Variants in GHR observed in about 807,000 individuals in gnomAD.
The protein encoded by GHR is GH receptor.
Under a neutral mutation model 67.1 loss-of-function variants are expected in GHR, and 35 were observed. The ratio of observed to expected loss-of-function variants is 0.52; its 90% confidence interval spans 0.40 to 0.69. GHR has a LOEUF of 0.69. GHR is among the 30% of genes least tolerant of loss of function. The pLI, the probability that GHR is intolerant of heterozygous loss-of-function variation, is 0.00. For synonymous variants in GHR, 272 were observed against 269.1 expected (o/e 1.01, Z -0.10); for missense variants, 792 against 764.6 (o/e 1.04, Z -0.42).
intron 1 of GHR, among the ~76,000 whole-genome samples, chr5:42,470,248 A>T (rs571560616): frequency 5.4e-5 from 8 of 147,950 alleles, no homozygotes; most frequent in Non-Finnish European, 1.0e-4. Context: ...ATAATGTATT[A>T]CATGTATTAA....
intron 2 of GHR, among the ~76,000 whole-genome samples, chr5:42,588,593 G>C (rs1751617428): frequency 1.4e-5 from 2 of 145,934 alleles, no homozygotes; most frequent in African/African-American, 5.0e-5. Flanking sequence ...TTCAAACTCA[G>C]GCTTTATATT....
At chr5:42,655,421 G>A (rs1474463410) in intron 3 of GHR, among the ~76,000 whole-genome samples, 1 of 152,088 alleles carries the variant, frequency 6.6e-6, no homozygotes, top group Non-Finnish European at 1.5e-5. Flanking sequence ...AAGTAGAATG[G>A]AACAGAAAGT....
intron 2 of GHR, among the ~76,000 whole-genome samples, chr5:42,602,013 C>A (rs553442251): frequency 2.0e-5 from 3 of 152,048 alleles, no homozygotes; most frequent in African/African-American, 7.2e-5. Flanking sequence ...TTTCTTTTTT[C>A]TATAATAATT....
At chr5:42,560,711 C>G (rs1249044592) in intron 1 of GHR, among the ~76,000 whole-genome samples, 1 of 152,124 alleles carries the variant, frequency 6.6e-6, no homozygotes, top group Non-Finnish European at 1.5e-5. Flanking sequence ...CCTTAAAACA[C>G]CAAGTATCCA....
At chr5:42,442,163 G>A (rs1035523790) in intron 1 of GHR, among the ~76,000 whole-genome samples, 3 of 152,110 alleles carry the variant, frequency 2.0e-5, no homozygotes, top group Non-Finnish European at 4.4e-5. Context: ...GAGAGAAAGG[G>A]GCTGGCATAC....
intron 5 of GHR, among the ~76,000 whole-genome samples, chr5:42,699,172 T>C (rs1757811590): frequency 6.6e-6 from 1 of 152,028 alleles, no homozygotes; most frequent in African/African-American, 2.4e-5. Flanking sequence ...ATTAGCAGAG[T>C]GTGCAGGAAG....
intron 1 of GHR, among the ~76,000 whole-genome samples, chr5:42,534,927 T>C (rs1461688261): frequency 6.6e-6 from 1 of 152,102 alleles, no homozygotes; most frequent in Non-Finnish European, 1.5e-5. Context: ...ATATTGAGCA[T>C]TTTTTCACAT....
At chr5:42,575,433 G>T (rs184177041) in intron 2 of GHR, among the ~76,000 whole-genome samples, 1 of 152,098 alleles carries the variant, frequency 6.6e-6, no homozygotes, top group Non-Finnish European at 1.5e-5. Context: ...GGGAGAAAGC[G>T]ATAGGAGAGT....
intron 6 of GHR, among the ~76,000 whole-genome samples, chr5:42,702,704 CTTG>C (rs1161852442): frequency 1.3e-5 from 2 of 151,994 alleles, no homozygotes; most frequent in East Asian, 1.9e-4. Flanking sequence ...CTCACCAACA[CTTG>C]TTATCTCTTC....
intron 4 of GHR, 82 bp from the exon 5 acceptor site, chr5:42,694,835 C>A: frequency 9.9e-7 from 1 of 1,008,758 alleles, no homozygotes; most frequent in South Asian, 1.3e-5. Flanking sequence ...TTTATTGAAT[C>A]AGACTATCAA....
At chr5:42,554,080 A>C (rs1158530344) in intron 1 of GHR, among the ~76,000 whole-genome samples, 2 of 152,220 alleles carry the variant, frequency 1.3e-5, no homozygotes, top group African/African-American at 4.8e-5. Context: ...AGCGATTCTC[A>C]ATCCTGGCCA....
At chr5:42,541,260 G>T (rs190376876) in intron 1 of GHR, among the ~76,000 whole-genome samples, 4 of 152,198 alleles carry the variant, frequency 2.6e-5, no homozygotes, top group African/African-American at 9.6e-5. Flanking sequence ...GTAGTATAAG[G>T]ATTATTATTT....
chr5:42,611,778 T>C (rs1752903599), intron 2 of GHR, among the ~76,000 whole-genome samples: 1 of 152,192 alleles, frequency 6.6e-6, no homozygotes, highest in Non-Finnish European at 1.5e-5. Context: ...ATGTAGTTAC[T>C]AAGGACTTAA....
chr5:42,540,620 C>G (rs1382315893), intron 1 of GHR, among the ~76,000 whole-genome samples: 1 of 152,166 alleles, frequency 6.6e-6, no homozygotes, highest in African/African-American at 2.4e-5. Flanking sequence ...TTCCTGGGCT[C>G]TCTGGTAGAA....
At chr5:42,480,208 T>C (rs1310240633) in intron 1 of GHR, among the ~76,000 whole-genome samples, 1 of 152,226 alleles carries the variant, frequency 6.6e-6, no homozygotes, top group Non-Finnish European at 1.5e-5. Context: ...TGAGTGAGTT[T>C]CTTAATCCTG....
chr5:42,711,403 TAACCTGGCTTTTG>T, intron 7 of GHR, 31 bp downstream of exon 7: 2 of 1,522,312 alleles, frequency 1.3e-6, no homozygotes, highest in Non-Finnish European at 1.8e-6. Context: ...AAATAGTAGC[TAACCTGGCTTTTG>T]TCAATATAAC....
intron 3 of GHR, among the ~76,000 whole-genome samples, chr5:42,657,257 G>C (rs1236376726): frequency 6.6e-6 from 1 of 152,082 alleles, no homozygotes; most frequent in African/African-American, 2.4e-5. Flanking sequence ...TTCTCTCTTG[G>C]AGGCATCATT....
chr5:42,452,709 A>G (rs904980674), intron 1 of GHR, among the ~76,000 whole-genome samples: 20 of 152,028 alleles, frequency 1.3e-4, no homozygotes, highest in African/African-American at 4.6e-4. Flanking sequence ...TGAATTTTAT[A>G]TTTCCCTAAG....
rs1157973971 is a variant in GHR at position 42,621,011 on chromosome 5, G to A, written c.71-8027G>A. Among the ~76,000 whole-genome samples, 5 of 152,228 alleles carry A rather than the reference G, an allele frequency of 3.3e-5. No homozygotes were observed. In the South Asian group the frequency reaches 6.2e-4, roughly 19 times the overall value. ...ATTAATATTGGCCCAGTGCCAAAAT[G>A]TGATTCTATTTATTCCTTTTAGCAT... is the stretch of plus-strand genomic sequence containing the variant. On this transcript the variant is annotated intron_variant, in intron 2 of 9. Coordinates refer to ENST00000230882, the MANE Select transcript of GHR (RefSeq NM_000163.5).
Sources: allele counts gnomAD v4.1 joint callset (sites outside exome capture counted in the v4.1 genomes callset), GRCh38; gene constraint gnomAD v4.1.1; transcripts MANE v1.5; gene names NCBI Gene and HGNC (gene_info 2026-07-23, HGNC 2026-07-21).